The following SHISA9 variants were observed in gnomAD, a reference collection of about 807,000 sequenced individuals.
SHISA9 encodes the protein shisa family member 9, also known as protein shisa-9.
A neutral mutation model predicts 38.0 loss-of-function variants in SHISA9; 13 were observed. The observed-to-expected ratio is 0.34, with a 90% CI of 0.22 to 0.54. The LOEUF (loss-of-function observed/expected upper bound fraction) is 0.54, where lower values mean the gene tolerates loss of function less well. Among genes scored for constraint, SHISA9 ranks in the 20% least tolerant of loss-of-function variants. The pLI is 0.91. For synonymous variants in SHISA9, 275 were observed against 242.0 expected (o/e 1.14, Z -1.27); for missense variants, 538 against 575.8 (o/e 0.93, Z 0.67).
At chr16:12,957,533 A>G (rs746260444) in intron 2 of SHISA9, among the ~76,000 whole-genome samples, 1 of 152,128 alleles carries the variant, frequency 6.6e-6, no homozygotes, top group Admixed American at 6.5e-5. Flanking sequence ...TTATAAGGAC[A>G]CTAATCCCAT....
At chr16:13,397,034 TTTA>T in the SHISA9 span, among the ~76,000 whole-genome samples, 3,136 of 152,272 alleles carry the variant, frequency 0.021, 128 homozygotes, top group African/African-American at 0.073. Flanking sequence ...GACGAAGACC[TTTA>T]TGATGATCCA....
At chr16:12,935,940 C>G (rs980369340) in intron 2 of SHISA9, among the ~76,000 whole-genome samples, 1 of 150,858 alleles carries the variant, frequency 6.6e-6, no homozygotes, top group African/African-American at 2.4e-5. Context: ...CAGGAGGGAA[C>G]GTGTTCTCAG....
intron 2 of SHISA9, among the ~76,000 whole-genome samples, chr16:12,928,344 A>G (rs1267201718): frequency 8.8e-6 from 1 of 113,850 alleles, no homozygotes; most frequent in African/African-American, 3.4e-5. Flanking sequence ...GTGTGTGTGC[A>G]TGACTTTATA....
chr16:13,114,686 A>G (rs1010737710), intron 2 of SHISA9, among the ~76,000 whole-genome samples: 6 of 151,266 alleles, frequency 4.0e-5, no homozygotes, highest in African/African-American at 1.2e-4. Flanking sequence ...CGACCAGGCA[A>G]TTATAGTAAT....
chr16:13,025,355 G>T (rs1207714992), intron 2 of SHISA9, among the ~76,000 whole-genome samples: 1 of 152,184 alleles, frequency 6.6e-6, no homozygotes, highest in Non-Finnish European at 1.5e-5. Context: ...CTGGGTGTGA[G>T]GCCTGGCAAT....
the SHISA9 span, among the ~76,000 whole-genome samples, chr16:13,245,537 A>G: frequency 6.6e-6 from 1 of 152,240 alleles, no homozygotes; most frequent in South Asian, 2.1e-4. Flanking sequence ...TTTCAGCATT[A>G]GCTTTTGTTA....
chr16:12,962,498 G>A (rs906923393), intron 2 of SHISA9, among the ~76,000 whole-genome samples: 6 of 152,214 alleles, frequency 3.9e-5, no homozygotes, highest in Non-Finnish European at 7.3e-5. Flanking sequence ...ATTAGAGTTA[G>A]ATTAGAATAT....
At chr16:13,301,544 C>A in the SHISA9 span, among the ~76,000 whole-genome samples, 3 of 152,170 alleles carry the variant, frequency 2.0e-5, no homozygotes, top group African/African-American at 7.2e-5. Flanking sequence ...TTTTAAACTT[C>A]TAATAGTTCT....
chr16:12,966,363 C>T (rs992515540), intron 2 of SHISA9, among the ~76,000 whole-genome samples: 5 of 152,042 alleles, frequency 3.3e-5, no homozygotes, highest in African/African-American at 9.7e-5. Flanking sequence ...TCCTAAAGCG[C>T]TTTATCTCTG....
At chr16:13,095,643 G>A (rs1219643591) in intron 2 of SHISA9, among the ~76,000 whole-genome samples, 3 of 152,238 alleles carry the variant, frequency 2.0e-5, no homozygotes, top group African/African-American at 4.8e-5. Context: ...CCAAGTATGG[G>A]AGGATAGCAC....
chr16:13,487,768 G>T, the SHISA9 span, among the ~76,000 whole-genome samples: 1 of 152,040 alleles, frequency 6.6e-6, no homozygotes, highest in Non-Finnish European at 1.5e-5. Flanking sequence ...TATTTTCATT[G>T]TTATATTGTT....
the SHISA9 span, among the ~76,000 whole-genome samples, chr16:13,357,959 ACTT>A: frequency 1.8e-4 from 28 of 152,144 alleles, 3 homozygotes; most frequent in Admixed American, 1.2e-3. Context: ...GGGCATATTC[ACTT>A]CTTTTGTGAT....
In SHISA9 at chr16:13,019,865, TC is replaced by T. The variant is rs1567183963; in HGVS notation, c.691+103053del. ...TTCCTTCCCTCCCTCCCTCCCTCCC[TC>T]CCTCCCTCCCTCCCTCCCTTCTTTC... On this transcript the variant is annotated intron_variant, in intron 2 of 4. Coordinates refer to ENST00000558583, the MANE Select transcript of SHISA9 (RefSeq NM_001145204.3). Among the ~76,000 whole-genome samples the T allele has an allele frequency of 2.7e-3, 91 of 33,262 alleles. 1 individual carries two copies. The highest frequency in any genetic ancestry group is 0.011 in the East Asian group (4 of 370). 21.8% of individuals were successfully genotyped at this position (33,262 alleles called of 152,430 possible).
At position 13,127,547 on chromosome 16, in the gene SHISA9, C is replaced by T. The variant is rs559697229; in HGVS notation, c.692-75847C>T. 2.6e-4 allele frequency among the ~76,000 whole-genome samples: 39 copies of T among 151,552 alleles called. No individual in the cohort carries two copies. In the South Asian group the frequency reaches 7.1e-3, roughly 28 times the overall value. On this transcript the variant is annotated intron_variant, in intron 2 of 4. Coordinates refer to ENST00000558583, the MANE Select transcript of SHISA9 (RefSeq NM_001145204.3). ...GGAAGAAAAGTAAAGAGAAGCGGAA[C>T]TTGGAAGGGAAGGAGACAGAGAGAA...
the SHISA9 span, among the ~76,000 whole-genome samples, chr16:13,267,409 G>A: frequency 6.6e-6 from 1 of 152,184 alleles, no homozygotes; most frequent in Non-Finnish European, 1.5e-5. Context: ...TGATGGGGGT[G>A]TGGTGAAATT....
At chr16:13,311,049 A>G in the SHISA9 span, among the ~76,000 whole-genome samples, 1 of 152,072 alleles carries the variant, frequency 6.6e-6, no homozygotes, top group African/African-American at 2.4e-5. Context: ...TTCAGGTTGT[A>G]AGCAGGAGTC....
At chr16:13,300,928 TC>T in the SHISA9 span, among the ~76,000 whole-genome samples, 2 of 150,854 alleles carry the variant, frequency 1.3e-5, no homozygotes, top group Non-Finnish European at 3.0e-5. Context: ...TCCTCCTTCT[TC>T]TTTCTTTCTC....
chr16:12,984,782 C>T (rs2072285012), intron 2 of SHISA9, among the ~76,000 whole-genome samples: 1 of 152,148 alleles, frequency 6.6e-6, no homozygotes, highest in Non-Finnish European at 1.5e-5. Context: ...GTGGGCCTTG[C>T]TTCTCTGTGA....
chr16:12,957,988 C>T (rs1258547488), intron 2 of SHISA9, among the ~76,000 whole-genome samples: 1 of 152,216 alleles, frequency 6.6e-6, no homozygotes, highest in African/African-American at 2.4e-5. Flanking sequence ...CTCCAAATAC[C>T]ATCGCAATGG....
Sources: allele counts gnomAD v4.1 joint callset (sites outside exome capture counted in the v4.1 genomes callset), GRCh38; gene constraint gnomAD v4.1.1; transcripts MANE v1.5; gene names NCBI Gene and HGNC (gene_info 2026-07-23, HGNC 2026-07-21).